Variants in RBFOX1 observed in about 807,000 individuals in gnomAD.
RBFOX1 encodes RNA binding protein fox-1 homolog 1.
RBFOX1 carries 8 observed loss-of-function variants against 57.7 expected under a neutral mutation model. The ratio of observed to expected loss-of-function variants is 0.14; its 90% CI spans 0.08 to 0.25. RBFOX1 has a LOEUF of 0.25. Among genes scored for constraint, RBFOX1 ranks in the 10% least tolerant of loss-of-function variants. The pLI is 1.00. For synonymous variants in RBFOX1, 326 were observed against 222.4 expected, an observed-to-expected ratio of 1.47 and a Z score of -4.15; for missense variants, 611 against 548.5, an observed-to-expected ratio of 1.11 and a Z score of -1.14.
At chr16:5,503,442 G>A (rs1297181259) in intron 2 of RBFOX1, among the ~76,000 whole-genome samples, 3 of 152,168 alleles carry the variant, frequency 2.0e-5, no homozygotes, top group Non-Finnish European at 4.4e-5. Flanking sequence ...TCTTTGTTTT[G>A]TTTTTGTTTT....
intron 3 of RBFOX1, among the ~76,000 whole-genome samples, chr16:6,856,472 C>T (rs956168927): frequency 1.3e-5 from 2 of 151,974 alleles, no homozygotes; most frequent in African/African-American, 2.4e-5. Flanking sequence ...ACCTTTAAAC[C>T]CAGGATATAA....
intron 1 of RBFOX1, among the ~76,000 whole-genome samples, chr16:5,459,946 C>G (rs1437005684): frequency 2.0e-5 from 3 of 152,304 alleles, no homozygotes; most frequent in East Asian, 3.9e-4. Flanking sequence ...TTCTTTATGA[C>G]AAAGCTTGAT....
chr16:5,845,013 T>G (rs1168040967), intron 3 of RBFOX1, among the ~76,000 whole-genome samples: 4 of 151,706 alleles, frequency 2.6e-5, no homozygotes, highest in Non-Finnish European at 5.9e-5. Flanking sequence ...TGGTTTGTAA[T>G]GAGAACCAAA....
intron 4 of RBFOX1, among the ~76,000 whole-genome samples, chr16:7,187,965 G>C (rs1026697785): frequency 1.3e-5 from 2 of 152,168 alleles, no homozygotes; most frequent in Non-Finnish European, 2.9e-5. Flanking sequence ...AACTCACAGA[G>C]AGAACAAATC....
intron 1 of RBFOX1, among the ~76,000 whole-genome samples, chr16:5,417,208 A>T (rs191931647): frequency 8.6e-4 from 131 of 152,304 alleles, no homozygotes; most frequent in Non-Finnish European, 1.3e-4. Flanking sequence ...TTTTATTCTT[A>T]CTGAATTAGA....
chr16:6,747,429 A>C (rs141016903), intron 3 of RBFOX1, among the ~76,000 whole-genome samples: 2 of 138,228 alleles, frequency 1.4e-5, no homozygotes, highest in Non-Finnish European at 3.1e-5. Flanking sequence ...AAAATCTATC[A>C]GTCAGTCAGT....
intron 1 of RBFOX1, among the ~76,000 whole-genome samples, chr16:5,288,281 A>G (rs2151166115): frequency 6.6e-6 from 1 of 152,326 alleles, no homozygotes; most frequent in Non-Finnish European, 1.5e-5. Context: ...TGCATACCAC[A>G]AAGAAGGCCG....
chr16:7,430,939 C>T (rs1167803128), intron 4 of RBFOX1, among the ~76,000 whole-genome samples: 1 of 152,182 alleles, frequency 6.6e-6, no homozygotes, highest in Non-Finnish European at 1.5e-5. Flanking sequence ...TGTTTGTTTG[C>T]TAGTTTCTTA....
At chr16:6,702,756 G>A (rs2062051694) in intron 3 of RBFOX1, among the ~76,000 whole-genome samples, 2 of 152,030 alleles carry the variant, frequency 1.3e-5, no homozygotes, top group African/African-American at 4.8e-5. Flanking sequence ...TTATTTTTTT[G>A]TTATGGTAAA....
At chr16:6,229,627 G>A (rs1398997498) in intron 1 of RBFOX1, among the ~76,000 whole-genome samples, 1 of 151,230 alleles carries the variant, frequency 6.6e-6, no homozygotes, top group African/African-American at 2.4e-5. Flanking sequence ...GAACCAGGAA[G>A]AAATTTAGTA....
intron 3 of RBFOX1, among the ~76,000 whole-genome samples, chr16:5,680,791 C>G (rs374542827): frequency 9.9e-5 from 15 of 152,248 alleles, no homozygotes; most frequent in African/African-American, 3.6e-4. Flanking sequence ...TCATCCTCAA[C>G]AAATACTTGC....
In RBFOX1 at chr16:5,779,952, A is replaced by G. The variant is rs151251927; in HGVS notation, c.319-87351A>G. 3.7e-3 allele frequency among the ~76,000 whole-genome samples: 564 copies of G among 152,344 alleles called. 4 individuals carry two copies. Among genetic ancestry groups the G allele is most frequent in the African/African-American group, 0.013 (530 of 41,590 alleles). On this transcript the variant is annotated intron_variant, in intron 3 of 19. Transcript: ENST00000641259. ...AGTTTTCGAAAATAATAAATGAGCT[A>G]AAATATGTACTAGTTTATAAGAGTG...
chr16:6,933,829 C>T (rs563103805), intron 3 of RBFOX1, among the ~76,000 whole-genome samples: 2 of 152,276 alleles, frequency 1.3e-5, no homozygotes, highest in Non-Finnish European at 2.9e-5. Context: ...GCAGTGTTTA[C>T]CTCTCTTTAT....
At chr16:5,575,510 G>A (rs1392025656) in intron 2 of RBFOX1, among the ~76,000 whole-genome samples, 2 of 152,156 alleles carry the variant, frequency 1.3e-5, no homozygotes, top group African/African-American at 4.8e-5. Flanking sequence ...ATCACAGTCT[G>A]TCTGGAAAGT....
chr16:7,310,760 A>G (rs1447602163), intron 4 of RBFOX1, among the ~76,000 whole-genome samples: 2 of 152,206 alleles, frequency 1.3e-5, no homozygotes, highest in Admixed American at 6.5e-5. Flanking sequence ...ACGTGGAACT[A>G]AATGTGTATT....
chr16:6,223,509 G>A (rs1171207907), intron 1 of RBFOX1, among the ~76,000 whole-genome samples: 2 of 152,186 alleles, frequency 1.3e-5, no homozygotes, highest in African/African-American at 2.4e-5. Flanking sequence ...CTTTTGAGAA[G>A]TGTCTGTTCA....
At chr16:5,507,289 C>T (rs113836152) in intron 2 of RBFOX1, among the ~76,000 whole-genome samples, 4 of 152,174 alleles carry the variant, frequency 2.6e-5, no homozygotes, top group African/African-American at 9.6e-5. Context: ...GAGATGGTTT[C>T]CTTTATTTGT....
intron 1 of RBFOX1, among the ~76,000 whole-genome samples, chr16:6,122,357 AACAC>A (rs61531585): frequency 0.076 from 11,026 of 145,098 alleles, 804 homozygotes; most frequent in African/African-American, 0.19. Flanking sequence ...CTAAAAGATA[AACAC>A]ACACACACAC....
chr16:6,091,364 G>A (rs1309127746), intron 1 of RBFOX1, among the ~76,000 whole-genome samples: 1 of 152,140 alleles, frequency 6.6e-6, no homozygotes, highest in East Asian at 1.9e-4. Context: ...TGTAAATGCA[G>A]CACATTGTCA....
Sources: allele counts gnomAD v4.1 joint callset (sites outside exome capture counted in the v4.1 genomes callset), GRCh38; gene constraint gnomAD v4.1.1; transcripts MANE v1.5; gene names NCBI Gene and HGNC (gene_info 2026-07-23, HGNC 2026-07-21).